FAF1: variants seen among roughly 807,000 people sequenced by gnomAD.
FAF1 encodes the protein FAS-associated factor 1.
FAF1 carries 25 observed loss-of-function variants against 92.5 expected under a neutral mutation model. The observed-to-expected ratio is 0.27, with a 90% CI of 0.20 to 0.38. FAF1 has a LOEUF of 0.38. Among genes scored for constraint, FAF1 ranks in the 10% least tolerant of loss-of-function variants. The pLI is 1.00. For missense variants in FAF1, 636 were observed against 793.3 expected (o/e 0.80, Z 2.38); for synonymous variants, 234 against 273.2 (o/e 0.86, Z 1.42).
intron 13 of FAF1, 90 bp downstream of exon 13, chr1:50,566,987 T>C (rs1276100918): frequency 2.0e-6 from 2 of 1,002,268 alleles, no homozygotes; most frequent in East Asian, 5.1e-5. Flanking sequence ...AGTTTAATGC[T>C]GAGGATGAAA....
At chr1:50,761,373 G>C (rs1660319230) in intron 4 of FAF1, among the ~76,000 whole-genome samples, 1 of 152,182 alleles carries the variant, frequency 6.6e-6, no homozygotes, top group Admixed American at 6.5e-5. Flanking sequence ...AAGCCAGGCA[G>C]AGACACAACC....
intron 8 of FAF1, among the ~76,000 whole-genome samples, chr1:50,612,166 C>T (rs537478591): frequency 1.3e-5 from 2 of 152,128 alleles, no homozygotes; most frequent in Non-Finnish European, 2.9e-5. Flanking sequence ...ATTTTCCTAA[C>T]ATTTAGATAG....
chr1:50,814,435 A>AT (rs1298341766), intron 2 of FAF1, among the ~76,000 whole-genome samples: 1 of 152,206 alleles, frequency 6.6e-6, no homozygotes, highest in African/African-American at 2.4e-5. Flanking sequence ...GTGTGGGTAC[A>AT]ATAAAATAAA....
chr1:50,636,379 C>CTTTTTTTTTTTT (rs1213567555), intron 8 of FAF1, among the ~76,000 whole-genome samples: 1 of 79,876 alleles, frequency 1.3e-5, no homozygotes, highest in African/African-American at 5.6e-5. Flanking sequence ...GGGGCGTGTC[C>CTTTTTTTTTTTT]TTTTTTTTTT....
intron 7 of FAF1, among the ~76,000 whole-genome samples, chr1:50,693,888 G>A (rs1350599609): frequency 6.6e-6 from 1 of 151,464 alleles, no homozygotes; most frequent in Non-Finnish European, 1.5e-5. Context: ...CCAAATTTTA[G>A]AGTCAATATT....
In FAF1 at chr1:50,456,081, A is replaced by C. The variant is rs1646349363; in HGVS notation, c.1870-14558T>G. 3.9e-5 allele frequency among the ~76,000 whole-genome samples: 6 copies of C among 152,156 alleles called. No individual in the cohort carries two copies. The South Asian group carries it at 1.2e-3, about 32-fold the overall frequency. On this transcript the variant is annotated intron_variant, in intron 18 of 18. Transcript: ENST00000396153. ...CAGAGTGAGACCCTGCTTTAAACAA[A>C]AAAAAATTTTTTTTTTTTAGAGATG...
At chr1:50,874,453 C>G (rs1644553318) in intron 1 of FAF1, among the ~76,000 whole-genome samples, 1 of 152,006 alleles carries the variant, frequency 6.6e-6, no homozygotes, top group African/African-American at 2.4e-5. Flanking sequence ...TACTGAACTC[C>G]TAAACTCAAG....
At chr1:50,441,979 G>A (rs1486600433) in intron 18 of FAF1, among the ~76,000 whole-genome samples, 9 of 151,702 alleles carry the variant, frequency 5.9e-5, no homozygotes, top group East Asian at 5.8e-4. Context: ...CATGCCCAAC[G>A]ATGAAGATCT....
At chr1:50,845,437 T>C (rs974537993) in intron 2 of FAF1, among the ~76,000 whole-genome samples, 1 of 152,148 alleles carries the variant, frequency 6.6e-6, no homozygotes, top group South Asian at 2.1e-4. Flanking sequence ...TGTAAAACCT[T>C]GTACACAGCC....
At chr1:50,584,627 G>A in intron 10 of FAF1, 58 bp downstream of exon 10, 2 of 1,542,378 alleles carry the variant, frequency 1.3e-6, no homozygotes, top group Non-Finnish European at 1.8e-6. Context: ...TTCTTCATAA[G>A]TTTGTGTACT....
Position 50,539,770 on chromosome 1 carries a change from T to A in FAF1, c.1269-42A>T, listed in dbSNP as rs1553224714. 15 of 1,479,488 alleles carry A rather than the reference T, an allele frequency of 1.0e-5. No individual in the cohort carries two copies. The South Asian group carries it at 1.8e-4, about 17-fold the overall frequency. The allele number at this position is 1,479,488 out of a possible 1,614,324, so 91.6% of individuals were successfully genotyped here. On this transcript the variant is annotated intron_variant, in intron 13 of 18. Coordinates refer to ENST00000396153, the MANE Select transcript of FAF1 (RefSeq NM_007051.3). The stretch of plus-strand genomic sequence containing the variant: ...TACAAAGTAAGTTTTGCTTTGTAGT[T>A]TAATAGATTTACTAGTACTTCAACA...
chr1:50,568,492 A>C (rs1165555703), intron 12 of FAF1, among the ~76,000 whole-genome samples: 14 of 152,260 alleles, frequency 9.2e-5, no homozygotes, highest in Admixed American at 7.2e-4. Context: ...TCAAAGGTAA[A>C]TTTCGTAATA....
At chr1:50,554,390 T>TATATATATATAGAG in intron 13 of FAF1, among the ~76,000 whole-genome samples, 5 of 93,682 alleles carry the variant, frequency 5.3e-5, no homozygotes, top group African/African-American at 1.9e-4. Flanking sequence ...TATATATATA[T>TATATATATATAGAG]AGAGAGAGAG....
At chr1:50,939,394 T>C (rs1278515184) in intron 1 of FAF1, among the ~76,000 whole-genome samples, 1 of 152,256 alleles carries the variant, frequency 6.6e-6, no homozygotes, top group Non-Finnish European at 1.5e-5. Context: ...GAAATGCTAC[T>C]GGATTTTTGT....
At chr1:50,758,693 G>C (rs763759753) in intron 4 of FAF1, among the ~76,000 whole-genome samples, 10 of 152,076 alleles carry the variant, frequency 6.6e-5, no homozygotes, top group South Asian at 4.1e-4. Context: ...ATCTCTTATA[G>C]CTTTTATCTG....
chr1:50,454,915 G>GT (rs1384803168), intron 18 of FAF1, among the ~76,000 whole-genome samples: 1 of 152,216 alleles, frequency 6.6e-6, no homozygotes, highest in Non-Finnish European at 1.5e-5. Context: ...TGGAAACAGT[G>GT]TAAGTTCACT....
Position 50,795,392 on chromosome 1 carries a change from C to A in FAF1, c.161+6239G>T, listed in dbSNP as rs180925142. 2.6e-5 allele frequency among the ~76,000 whole-genome samples: 4 copies of A among 152,320 alleles called. No individual in the cohort carries two copies. The East Asian group carries it at 7.7e-4, about 29-fold the overall frequency. ...AATACCATATTGATGGCTTCCCACA[C>A]AACCTTGGTTCTAACTAAGGAACTT... On this transcript the variant is annotated intron_variant, in intron 3 of 18. Coordinates refer to ENST00000396153, the MANE Select transcript of FAF1 (RefSeq NM_007051.3).
Position 50,676,590 on chromosome 1 carries a change from G to A in FAF1, c.658-21062C>T, listed in dbSNP as rs1295213856. Among the ~76,000 whole-genome samples the A allele has an allele frequency of 2.6e-5, 4 of 152,270 alleles. No individual in the cohort carries two copies. In the East Asian group the frequency reaches 5.8e-4, roughly 22 times the overall value. The stretch of plus-strand genomic sequence containing the variant: ...AATCCCAGCACTTTGGGAGACCGAG[G>A]TCGGCAGACCACCTAAGGTCAGGAG... On this transcript the variant is annotated intron_variant, in intron 7 of 18. Coordinates refer to ENST00000396153, the MANE Select transcript of FAF1 (RefSeq NM_007051.3).
rs1646150519 is a variant in FAF1 at position 50,439,507 on chromosome 1, C to T, written c.*1933G>A. On this transcript the variant is annotated 3_prime_UTR_variant, in exon 19 of 19. Transcript: ENST00000396153. ...GAGTAAAGTCTATATTGTTGTAATA[C>T]AGAAGTGAAGGTGAGTGGGAGGGAA... 1.3e-5 allele frequency: 2 copies of T among 152,172 alleles called. No homozygotes were observed. The highest frequency in any genetic ancestry group is 4.8e-5 in the African/African-American group (2 of 41,438). The allele number at this position is 152,172 out of a possible 1,614,324, so 9.4% of individuals were successfully genotyped here. A position where few individuals can be genotyped will look rare whatever the true frequency, so the allele number is the denominator to read the frequency against.
Sources: gnomAD v4.1 joint callset for allele counts (sites outside exome capture counted in the v4.1 genomes callset) on GRCh38, gnomAD v4.1.1 for gene constraint, MANE v1.5 for transcripts, NCBI Gene and HGNC (gene_info 2026-07-23, HGNC 2026-07-21) for gene names.